The following F10 variants were observed in gnomAD, a reference collection of about 807,000 sequenced individuals.
The protein encoded by F10 is coagulation factor X.
A neutral mutation model predicts 37.1 loss-of-function variants in F10; 29 were observed. The ratio of observed to expected loss-of-function variants is 0.78; its 90% CI spans 0.58 to 1.07. The LOEUF is 1.07. F10 is among the 50% of genes least tolerant of loss of function. The pLI, the probability that F10 is intolerant of heterozygous loss-of-function variation, is 0.00. For missense variants in F10, 539 were observed against 667.9 expected (o/e 0.81, Z 2.13); for synonymous variants, 262 against 268.6 (o/e 0.98, Z 0.24).
rs986369602 is a variant in F10, at chr13:113,139,633, GA to G, written c.370+171del. On this transcript the variant is annotated intron_variant, in intron 4 of 7. Coordinates refer to ENST00000375559, the MANE Select transcript of F10 (RefSeq NM_000504.4). The surrounding 1 kb of genome is among the most constrained non-coding windows in gnomAD (Gnocchi z 5.2). ...ATTATACTGTGCCACTATAGCAATAGAAAAAAAAGCCCCAATATGTCCCCCA... is the reference window on the plus strand; with the variant it reads ...ATTATACTGTGCCACTATAGCAATAGAAAAAAAGCCCCAATATGTCCCCCA... 6.6e-6 allele frequency among the ~76,000 whole-genome samples: 1 copy of G among 151,712 alleles called. No homozygotes were observed. Among genetic ancestry groups the G allele is most frequent in the African/African-American group, 2.4e-5 (1 of 41,380 alleles).
At chr13:113,126,720 G>A (rs934138344) in intron 1 of F10, among the ~76,000 whole-genome samples, 1 of 152,226 alleles carries the variant, frequency 6.6e-6, no homozygotes, top group Non-Finnish European at 1.5e-5. Flanking sequence ...AAGGCAGAAC[G>A]CGGTCTTCAG....
Position 113,143,699 on chromosome 13 carries a change from A to ATAATT in F10, c.503-152_503-151insTAATT. Reference sequence around the variant, plus strand: ...CCTGCAGATCCGACCCCTGCCGACGACGTGGGGCCTCGCCCTGCAAGCCCG... The same window carrying ATAATT: ...CCTGCAGATCCGACCCCTGCCGACGATAATTCGTGGGGCCTCGCCCTGCAAGCCCG... On this transcript the variant is annotated intron_variant, in intron 5 of 7. Coordinates refer to ENST00000375559, the MANE Select transcript of F10 (RefSeq NM_000504.4). This position sits in a 1 kb window ranked among gnomAD's most constrained non-coding sequence, Gnocchi z 6.8. The ATAATT allele has an allele frequency of 3.3e-6, 4 of 1,203,554 alleles. No homozygotes were observed. The Admixed American group carries it at 6.4e-5, about 19-fold the overall frequency. 74.6% of individuals were successfully genotyped at this position (1,203,554 alleles called of 1,614,324 possible).
At chr13:113,140,691 G>GT (rs2036519327) in intron 4 of F10, 1 of 701,942 alleles carries the variant, frequency 1.4e-6, no homozygotes, top group East Asian at 2.8e-5. Flanking sequence ...TGAGGGGCAG[G>GT]TACCTGGAGC....
chr13:113,142,134 G>GT (rs1370507279), intron 5 of F10, among the ~76,000 whole-genome samples: 1 of 152,218 alleles, frequency 6.6e-6, no homozygotes, highest in Non-Finnish European at 1.5e-5. Context: ...GGCTGACCTT[G>GT]CTACTGGCAA....
chr13:113,131,644 G>A (rs1328378109), intron 2 of F10: 1 of 152,226 alleles, frequency 6.6e-6, no homozygotes, highest in Non-Finnish European at 1.5e-5. Context: ...ACTTGTCAAG[G>A]AGTTCCTGAA....
chr13:113,140,622 G>A (rs1309032852), intron 4 of F10: 2 of 613,126 alleles, frequency 3.3e-6, no homozygotes, highest in Non-Finnish European at 6.3e-6. Context: ...ACAGAGGGAT[G>A]TGGAGTGACC....
chr13:113,125,677 C>T (rs953015790), intron 1 of F10, among the ~76,000 whole-genome samples: 1 of 152,232 alleles, frequency 6.6e-6, no homozygotes, highest in Non-Finnish European at 1.5e-5. Flanking sequence ...AGCGTTGATG[C>T]GACTCAGCCA....
chr13:113,129,383 G>T, intron 1 of F10, 69 bp from the exon 2 acceptor site: 2 of 1,596,894 alleles, frequency 1.3e-6, no homozygotes, highest in South Asian at 2.2e-5. Flanking sequence ...GGCAGTCAGG[G>T]AGCATAGGTG....
At chr13:113,127,016 G>A (rs901793041) in intron 1 of F10, among the ~76,000 whole-genome samples, 1 of 152,242 alleles carries the variant, frequency 6.6e-6, no homozygotes, top group Non-Finnish European at 1.5e-5. Context: ...ATAAATCTAA[G>A]TCTAGCGTTG....
chr13:113,132,799 C>G (rs930890308), intron 2 of F10, among the ~76,000 whole-genome samples: 1 of 152,228 alleles, frequency 6.6e-6, no homozygotes, highest in African/African-American at 2.4e-5. Context: ...GCAAAGTACA[C>G]TTTCCTTCCA....
In F10 at chr13:113,149,161, G is replaced by A. The variant is rs2036615043; in HGVS notation, c.1111G>A (p.Gly371Ser). Residue 371 changes from glycine to serine, a missense_variant, in exon 8 of 8, where the codon GGC (glycine) becomes AGC (serine). This residue lies in a region of F10 where 409 missense variants were observed against 547.9 expected (regional missense o/e 0.75). Coordinates refer to ENST00000375559, the MANE Select transcript of F10 (RefSeq NM_000504.4). This position sits in a 1 kb window ranked among gnomAD's most constrained non-coding sequence, Gnocchi z 7.5. ...VSGFGRTHEK[G>S]RQSTRLKMLE... ...CGGCTTCGGGCGCACCCACGAGAAGGGCCGGCAGTCCACCAGGCTCAAGAT... is the reference window on the plus strand; with the variant it reads ...CGGCTTCGGGCGCACCCACGAGAAGAGCCGGCAGTCCACCAGGCTCAAGAT... 6.2e-7 allele frequency: 1 copy of A among 1,612,990 alleles called. No individual in the cohort carries two copies. The highest frequency in any genetic ancestry group is 8.5e-7 in the Non-Finnish European group (1 of 1,180,010).
rs1316583896 is a variant in F10, at chr13:113,144,948, GGCTCAC to G, written c.747+854_747+859del. On this transcript the variant is annotated intron_variant, in intron 6 of 7. Coordinates refer to ENST00000375559, the MANE Select transcript of F10 (RefSeq NM_000504.4). The surrounding 1 kb of genome is among the most constrained non-coding windows in gnomAD (Gnocchi z 6.4). ...GGCTGGAGTGCAGTGGCGCGATCTC[GGCTCAC>G]TGCAACCTCCACCTCCCAGGTTCAT... Among the ~76,000 whole-genome samples the G allele has an allele frequency of 1.3e-5, 2 of 151,640 alleles. No individual in the cohort carries two copies. Among genetic ancestry groups the G allele is most frequent in the Non-Finnish European group, 2.9e-5 (2 of 67,952 alleles).
At position 113,143,082 on chromosome 13, in the gene F10, C is replaced by G. The variant is rs543579761; in HGVS notation, c.503-769C>G. ...GGAGCCTCCTCAGACTGCGCAGGAG[C>G]ACAGCAAGTAAACAGCTAAGCTGTG... is the stretch of plus-strand genomic sequence containing the variant. On this transcript the variant is annotated intron_variant, in intron 5 of 7. Transcript: ENST00000375559. The surrounding 1 kb of genome is among the most constrained non-coding windows in gnomAD (Gnocchi z 6.8). Among the ~76,000 whole-genome samples, 1 of 152,266 alleles carries G rather than the reference C, an allele frequency of 6.6e-6. No individual in the cohort carries two copies. Among genetic ancestry groups the G allele is most frequent in the Admixed American group, 6.5e-5 (1 of 15,290 alleles).
chr13:113,143,701 GTGGGGCC>G lies in F10; in HGVS notation c.503-148_503-142del. The stretch of plus-strand genomic sequence containing the variant: ...TGCAGATCCGACCCCTGCCGACGAC[GTGGGGCC>G]TCGCCCTGCAAGCCCGCTGCCCCTC... On this transcript the variant is annotated intron_variant, in intron 5 of 7. Transcript: ENST00000375559. The surrounding 1 kb of genome is among the most constrained non-coding windows in gnomAD (Gnocchi z 6.8). The G allele has an allele frequency of 8.6e-7, 1 of 1,157,462 alleles. No individual in the cohort carries two copies. The highest frequency in any genetic ancestry group is 2.4e-5 in the Admixed American group (1 of 41,142). The allele number at this position is 1,157,462 out of a possible 1,614,324, so 71.7% of individuals were successfully genotyped here.
Position 113,141,062 on chromosome 13 carries a change from G to A in F10, c.502+12G>A, listed in dbSNP as rs367988451. The A allele has an allele frequency of 2.1e-5, 34 of 1,612,890 alleles. No individual in the cohort carries two copies. The African/African-American group carries it at 2.9e-4, about 14-fold the overall frequency. Reference sequence around the variant, plus strand: ...CTGCATTCCCACAGGTAGGAGGCACGTTGGGCCACAGCCACCCGCTGCCGC... The same window carrying A: ...CTGCATTCCCACAGGTAGGAGGCACATTGGGCCACAGCCACCCGCTGCCGC... On this transcript the variant is annotated intron_variant, in intron 5 of 7. Transcript: ENST00000375559. This position sits in a 1 kb window ranked among gnomAD's most constrained non-coding sequence, Gnocchi z 5.4.
chr13:113,142,735 G>A (rs1367659804), intron 5 of F10, among the ~76,000 whole-genome samples: 2 of 138,604 alleles, frequency 1.4e-5, no homozygotes, highest in African/African-American at 5.1e-5. Context: ...AGACCAGCCT[G>A]GCCAACATGG....
At position 113,144,227 on chromosome 13, in the gene F10, G is replaced by A. The variant is rs777468900; in HGVS notation, c.747+132G>A. ...TTCCGAACTAGGACAGAGGGGCTCC[G>A]CCACCCAAGCCTGCCTGCCTGTCCC... On this transcript the variant is annotated intron_variant, in intron 6 of 7. Transcript: ENST00000375559. The surrounding 1 kb of genome is among the most constrained non-coding windows in gnomAD (Gnocchi z 6.4). 1.4e-5 allele frequency: 19 copies of A among 1,368,924 alleles called. No homozygotes were observed. Among genetic ancestry groups the A allele is most frequent in the East Asian group, 4.9e-5 (2 of 40,534 alleles). 84.8% of individuals were successfully genotyped at this position (1,368,924 alleles called of 1,614,324 possible).
chr13:113,146,335 C>T lies in F10; in HGVS notation c.748-1044C>T, dbSNP rs1041038855. Among the ~76,000 whole-genome samples the T allele has an allele frequency of 1.3e-5, 2 of 152,088 alleles. No homozygotes were observed. Among genetic ancestry groups the T allele is most frequent in the African/African-American group, 2.4e-5 (1 of 41,408 alleles). On this transcript the variant is annotated intron_variant, in intron 6 of 7. Coordinates refer to ENST00000375559, the MANE Select transcript of F10 (RefSeq NM_000504.4). The surrounding 1 kb of genome is among the most constrained non-coding windows in gnomAD (Gnocchi z 4.5). ...GGGGCAAGAACCTCGATGCAGGAGACCCCACCGAGGATGAGCAGGAAAAGC... is the reference window on the plus strand; with the variant it reads ...GGGGCAAGAACCTCGATGCAGGAGATCCCACCGAGGATGAGCAGGAAAAGC...
At position 113,143,773 on chromosome 13, in the gene F10, T is replaced by G; in HGVS notation, c.503-78T>G. 6.3e-7 allele frequency: 1 copy of G among 1,594,022 alleles called. No homozygotes were observed. Among genetic ancestry groups the G allele is most frequent in the South Asian group, 1.1e-5 (1 of 90,302 alleles). On this transcript the variant is annotated intron_variant, in intron 5 of 7. Transcript: ENST00000375559. The surrounding 1 kb of genome is among the most constrained non-coding windows in gnomAD (Gnocchi z 6.8). ...CTCTGCCTCCCGGCTCTCTGACTCT[T>G]CTCCCTCAGGGTGAGCTGTGCAGGC...
Sources: allele counts gnomAD v4.1 joint callset (sites outside exome capture counted in the v4.1 genomes callset), GRCh38; gene constraint gnomAD v4.1.1; regional missense constraint gnomAD v4.1.1; non-coding constraint Gnocchi (gnomAD v3.1); transcripts MANE v1.5; gene names NCBI Gene and HGNC (gene_info 2026-07-23, HGNC 2026-07-21).